The following CEP350 variants were observed in gnomAD, a reference collection of about 807,000 sequenced individuals.
The protein encoded by CEP350 is centrosome-associated protein 350.
Under a neutral mutation model 331.8 loss-of-function variants are expected in CEP350, and 126 were observed. The ratio of observed to expected loss-of-function variants is 0.38; its 90% CI spans 0.33 to 0.44. The LOEUF (loss-of-function observed/expected upper bound fraction) is 0.44. Ranked by LOEUF, CEP350 falls within the 20% of genes least tolerant of loss-of-function variation. The pLI is 1.00. For synonymous variants in CEP350, 1,200 were observed against 1,259.5 expected (o/e 0.95, Z 1.00); for missense variants, 3,406 against 3,634.6 (o/e 0.94, Z 1.62).
At position 180,080,572 on chromosome 1, in the gene CEP350, A is replaced by G. The variant is rs544516722; in HGVS notation, c.6035A>G (p.His2012Arg). ...VSKQESSKGS[H>R]RTGGQCHLPI... ...AAGCAGGAGTCTAGCAAAGGAAGTC[A>G]TAGGACTGGAGGACAATGTCACCTG... The change falls in exon 30 of 38, where the codon CAT (histidine) becomes CGT (arginine). Residue 2012 changes from histidine to arginine, a missense_variant. Physicochemically the swap from His to Arg is conservative, Grantham distance 29 (BLOSUM62 0). Transcript: ENST00000367607. 3 of 1,613,864 alleles carry G rather than the reference A, an allele frequency of 1.9e-6. No individual in the cohort carries two copies. The South Asian group carries it at 3.3e-5, about 18-fold the overall frequency.
chr1:179,991,577 C>T lies in CEP350; in HGVS notation c.236-485C>T, dbSNP rs1325992967. Among the ~76,000 whole-genome samples the T allele has an allele frequency of 4.0e-5, 6 of 151,244 alleles. No homozygotes were observed. The East Asian group carries it at 1.2e-3, about 29-fold the overall frequency. On this transcript the variant is annotated intron_variant, in intron 4 of 37. Coordinates refer to ENST00000367607, the MANE Select transcript of CEP350 (RefSeq NM_014810.5). ...TGCAGGGATTACAGGCGTGAGCCAC[C>T]ATGCCAGGCCATTCTGTGGTTTCTT...
intron 8 of CEP350, among the ~76,000 whole-genome samples, chr1:180,008,527 CAGTA>C (rs1177958671): frequency 6.6e-6 from 1 of 152,156 alleles, no homozygotes; most frequent in Non-Finnish European, 1.5e-5. Context: ...ATATTCTTCT[CAGTA>C]AGTAATTTGG....
chr1:180,012,125 TA>T, intron 9 of CEP350, 50 bp downstream of exon 9: 1 of 1,463,212 alleles, frequency 6.8e-7, no homozygotes, highest in Non-Finnish European at 9.2e-7. Flanking sequence ...AAATTGCTAT[TA>T]AGTACTTAGA....
intron 1 of CEP350, among the ~76,000 whole-genome samples, chr1:179,962,711 C>G (rs746358382): frequency 7.9e-5 from 12 of 152,126 alleles, no homozygotes; most frequent in Non-Finnish European, 1.5e-4. Flanking sequence ...CCCGGCCTAT[C>G]TGATCTACTG....
At chr1:180,084,513 C>G (rs111968035) in intron 31 of CEP350, among the ~76,000 whole-genome samples, 1 of 152,006 alleles carries the variant, frequency 6.6e-6, no homozygotes, top group Admixed American at 6.6e-5. Context: ...TACAGGCGTC[C>G]GCCACTACGC....
At chr1:180,022,056 C>T (rs1242135424) in intron 12 of CEP350, among the ~76,000 whole-genome samples, 3 of 152,044 alleles carry the variant, frequency 2.0e-5, no homozygotes, top group Non-Finnish European at 4.4e-5. Flanking sequence ...TCATCTGTTC[C>T]TCTTATGCTC....
Position 179,996,717 on chromosome 1 carries a change from C to T in CEP350, c.560C>T (p.Ser187Phe). Residue 187 changes from serine to phenylalanine, a missense_variant, in exon 6 of 38, where the codon TCT becomes TTT. Around this residue, in one of 5 missense-constraint regions of CEP350, gnomAD observed 1,857 missense variants for 1,909.2 expected, o/e 0.97. Transcript: ENST00000367607. Reference sequence around the variant, plus strand: ...TGTGATTTTGAGAGCTCCCAATCATCTGTCATCAATGATACAGTTGTTAGG... The same window carrying T: ...TGTGATTTTGAGAGCTCCCAATCATTTGTCATCAATGATACAGTTGTTAGG... ...RSCDFESSQS[S>F]VINDTVVRFL... The T allele has an allele frequency of 6.2e-7, 1 of 1,613,554 alleles. No homozygotes were observed.
intron 1 of CEP350, among the ~76,000 whole-genome samples, chr1:179,967,764 A>G (rs370194384): frequency 1.3e-5 from 2 of 152,216 alleles, no homozygotes; most frequent in African/African-American, 2.4e-5. Context: ...AAAATATTTT[A>G]TGAAAGAATT....
chr1:180,061,329 T>G (rs928049626), intron 25 of CEP350, among the ~76,000 whole-genome samples: 1 of 152,058 alleles, frequency 6.6e-6, no homozygotes, highest in Non-Finnish European at 1.5e-5. Flanking sequence ...CCCAAGTGGC[T>G]GGGACCACAG....
chr1:180,061,790 T>TG (rs1262630120), intron 25 of CEP350, among the ~76,000 whole-genome samples: 2 of 152,212 alleles, frequency 1.3e-5, no homozygotes, highest in Non-Finnish European at 2.9e-5. Context: ...ATCCATGGTA[T>TG]GAAACAGCTA....
chr1:180,077,784 T>A (rs971763200), intron 28 of CEP350, among the ~76,000 whole-genome samples: 2 of 151,818 alleles, frequency 1.3e-5, no homozygotes, highest in Non-Finnish European at 1.5e-5. Context: ...CAAGACTATT[T>A]ACATCAGAAA....
At chr1:180,042,173 C>A (rs759180602) in intron 19 of CEP350, among the ~76,000 whole-genome samples, 1 of 143,026 alleles carries the variant, frequency 7.0e-6, no homozygotes, top group Admixed American at 7.1e-5. Flanking sequence ...CACACATCTC[C>A]CTATAACCAT....
chr1:179,964,341 A>C (rs1173516687), intron 1 of CEP350, among the ~76,000 whole-genome samples: 1 of 152,096 alleles, frequency 6.6e-6, no homozygotes, highest in African/African-American at 2.4e-5. Flanking sequence ...TATGTTGAAT[A>C]GGAGTCGTAA....
At chr1:180,035,507 T>C (rs1345376446) in intron 16 of CEP350, among the ~76,000 whole-genome samples, 1 of 152,216 alleles carries the variant, frequency 6.6e-6, no homozygotes, top group African/African-American at 2.4e-5. Flanking sequence ...TTGAAGCTAA[T>C]GCTCATTTAC....
Position 180,090,791 on chromosome 1 carries a change from A to T in CEP350, c.6503A>T (p.His2168Leu). ...SRGSLESIAE[H>L]VDASLSGSER... ...GGATCCCTGGAGTCTATTGCTGAAC[A>T]TGTTGGTATGTAACTAGAAAAAATA... Residue 2168 changes from histidine (H) to leucine (L), a missense_variant, in exon 33 of 38, where the codon CAT becomes CTT. Coordinates refer to ENST00000367607, the MANE Select transcript of CEP350 (RefSeq NM_014810.5). The T allele has an allele frequency of 6.5e-7, 1 of 1,538,160 alleles. No homozygotes were observed. Among genetic ancestry groups the T allele is most frequent in the Non-Finnish European group, 8.8e-7 (1 of 1,139,758 alleles).
chr1:180,053,207 A>G (rs777680249), intron 23 of CEP350, 41 bp downstream of exon 23: 1 of 1,173,036 alleles, frequency 8.5e-7, no homozygotes, highest in East Asian at 2.6e-5. Context: ...GGTTGTGGAT[A>G]TGTTCTCTCA....
At chr1:180,016,700 T>C (rs951817584) in intron 11 of CEP350, among the ~76,000 whole-genome samples, 10 of 147,800 alleles carry the variant, frequency 6.8e-5, no homozygotes, top group Non-Finnish European at 1.2e-4. Flanking sequence ...TTCACTCTCT[T>C]GCCCAGATTG....
rs1656873988 is a variant in CEP350 at position 180,043,092 on chromosome 1, G to A, written c.4399G>A (p.Val1467Ile). The A allele has an allele frequency of 6.2e-7, 1 of 1,613,738 alleles. No individual in the cohort carries two copies. The highest frequency in any genetic ancestry group is 8.5e-7 in the Non-Finnish European group (1 of 1,179,752). ...GACTAGAACTCATATCTCAGATGCT[G>A]TCGTGGCTTCAGGAGCTCCCCTTGC... Reference protein sequence around the residue: ...ELTRTHISDAVVASGAPLAIL... With the variant: ...ELTRTHISDAIVASGAPLAIL... Residue 1467 changes from valine to isoleucine, a missense_variant, in exon 20 of 38, where the codon GTC becomes ATC. Val to Ile is a conservative substitution (Grantham distance 29). Transcript: ENST00000367607.
At chr1:179,963,929 T>G (rs138184612) in intron 1 of CEP350, among the ~76,000 whole-genome samples, 1 of 152,246 alleles carries the variant, frequency 6.6e-6, no homozygotes, top group African/African-American at 2.4e-5. Context: ...TCATTTAAAT[T>G]TTGATTCTTC....
Sources: allele counts gnomAD v4.1 joint callset (sites outside exome capture counted in the v4.1 genomes callset), GRCh38; gene constraint gnomAD v4.1.1; regional missense constraint gnomAD v4.1.1; transcripts MANE v1.5; gene names NCBI Gene and HGNC (gene_info 2026-07-23, HGNC 2026-07-21).